Variants in SRBD1 observed in about 807,000 individuals in gnomAD.
SRBD1 encodes S1 RNA-binding domain-containing protein 1.
SRBD1 carries 88 observed loss-of-function variants against 115.3 expected under a neutral mutation model. That is an observed-to-expected ratio of 0.76 (90% CI 0.64 to 0.91). SRBD1 has a LOEUF of 0.91. Among genes scored for constraint, SRBD1 ranks in the 40% least tolerant of loss-of-function variants. The pLI is 0.00. For missense variants in SRBD1, 1,385 were observed against 1,177.4 expected, an observed-to-expected ratio of 1.18 and a Z score of -2.58; for synonymous variants, 509 against 407.7, an observed-to-expected ratio of 1.25 and a Z score of -2.99.
chr2:45,573,876 T>C (rs759928273), intron 8 of SRBD1, among the ~76,000 whole-genome samples: 6 of 152,200 alleles, frequency 3.9e-5, no homozygotes, highest in Non-Finnish European at 7.3e-5. Context: ...AAAAGTTCTT[T>C]CTAGCAACAG....
chr2:45,451,939 A>C (rs1669012121), intron 16 of SRBD1, among the ~76,000 whole-genome samples: 1 of 151,972 alleles, frequency 6.6e-6, no homozygotes, highest in Non-Finnish European at 1.5e-5. Context: ...TGTGGTTAAA[A>C]AATTTTAATG....
At chr2:45,465,412 G>GTA (rs111702119) in intron 16 of SRBD1, among the ~76,000 whole-genome samples, 31 of 151,452 alleles carry the variant, frequency 2.0e-4, no homozygotes, top group Non-Finnish European at 3.8e-4. Context: ...ATATATGTGT[G>GTA]TATATATATA....
At chr2:45,540,340 TAAA>T (rs755106184) in intron 14 of SRBD1, among the ~76,000 whole-genome samples, 1 of 130,110 alleles carries the variant, frequency 7.7e-6, no homozygotes, top group Admixed American at 7.8e-5. Flanking sequence ...GAGTCCATCT[TAAA>T]AAAAAAAAAA....
intron 18 of SRBD1, among the ~76,000 whole-genome samples, chr2:45,413,652 G>A (rs1403307045): frequency 6.6e-6 from 1 of 152,062 alleles, no homozygotes; most frequent in Non-Finnish European, 1.5e-5. Context: ...ACTTGGCTTC[G>A]CGCAGTGGCT....
intron 19 of SRBD1, among the ~76,000 whole-genome samples, chr2:45,397,076 G>A (rs368246712): frequency 5.3e-5 from 8 of 152,020 alleles, no homozygotes; most frequent in South Asian, 2.1e-4. Context: ...ATGGAGTAAC[G>A]CAACAAGCAC....
chr2:45,584,184 C>G (rs980986508), intron 5 of SRBD1, among the ~76,000 whole-genome samples: 1 of 152,178 alleles, frequency 6.6e-6, no homozygotes, highest in African/African-American at 2.4e-5. Context: ...TACGTAAAAA[C>G]TCAAATTACC....
intron 16 of SRBD1, among the ~76,000 whole-genome samples, chr2:45,432,221 G>T (rs1275822329): frequency 6.6e-6 from 1 of 151,994 alleles, no homozygotes; most frequent in Non-Finnish European, 1.5e-5. Context: ...TACAGACGTG[G>T]TTTCTCCATA....
At chr2:45,528,268 T>G (rs1004007416) in intron 14 of SRBD1, among the ~76,000 whole-genome samples, 1 of 151,782 alleles carries the variant, frequency 6.6e-6, no homozygotes, top group Admixed American at 6.6e-5. Context: ...CAAGAGACTA[T>G]ACATGAAAAG....
rs1252411097 is a variant in SRBD1, at chr2:45,551,170, G to C, written c.1630C>G (p.Pro544Ala). Residue 544 changes from proline to alanine, a missense_variant, in exon 12 of 21, where the codon CCT becomes GCT. Coordinates refer to ENST00000263736, the MANE Select transcript of SRBD1 (RefSeq NM_018079.5). ...VPGRTLMGVDPGYKHGCKLAI... is the reference protein window; with the variant it reads ...VPGRTLMGVDAGYKHGCKLAI... ...AATTTGCAACCATGTTTATAACCAG[G>C]ATCCACTCCCATTAAGGTGCGCCCT... 1.9e-6 allele frequency: 3 copies of C among 1,609,006 alleles called. No individual in the cohort carries two copies. The highest frequency in any genetic ancestry group is 2.2e-5 in the East Asian group (1 of 44,792).
intron 14 of SRBD1, among the ~76,000 whole-genome samples, chr2:45,540,428 T>C (rs943761420): frequency 2.0e-5 from 3 of 151,498 alleles, no homozygotes; most frequent in African/African-American, 7.3e-5. Context: ...ATAAAACTTC[T>C]AGTACAAAAC....
intron 9 of SRBD1, among the ~76,000 whole-genome samples, chr2:45,564,863 C>G (rs550939433): frequency 6.6e-6 from 1 of 152,248 alleles, no homozygotes; most frequent in East Asian, 1.9e-4. Context: ...AGGGCCAACT[C>G]TGGGACTTGC....
intron 14 of SRBD1, among the ~76,000 whole-genome samples, chr2:45,502,620 G>C (rs532172397): frequency 6.8e-6 from 1 of 147,674 alleles, no homozygotes; most frequent in Non-Finnish European, 1.5e-5. Flanking sequence ...TCATAGGTGG[G>C]AATTGAACAA....
chr2:45,390,285 G>A (rs141548417), intron 20 of SRBD1, among the ~76,000 whole-genome samples: 355 of 152,200 alleles, frequency 2.3e-3, no homozygotes, highest in Admixed American at 3.8e-3. Context: ...CTCCTGGCCA[G>A]GCACTCTGCT....
intron 14 of SRBD1, among the ~76,000 whole-genome samples, chr2:45,511,033 G>A (rs1025282245): frequency 7.2e-5 from 11 of 152,258 alleles, no homozygotes; most frequent in East Asian, 3.9e-4. Context: ...TGAGTATTGC[G>A]AACCAACAAA....
chr2:45,450,326 A>T (rs544259294), intron 16 of SRBD1, among the ~76,000 whole-genome samples: 1 of 152,282 alleles, frequency 6.6e-6, no homozygotes, highest in South Asian at 2.1e-4. Context: ...TGGGGTTTAT[A>T]GCAGATTTCC....
At chr2:45,503,980 T>C (rs1012674839) in intron 14 of SRBD1, among the ~76,000 whole-genome samples, 1 of 152,170 alleles carries the variant, frequency 6.6e-6, no homozygotes, top group African/African-American at 2.4e-5. Context: ...CAAGTCAGTC[T>C]TGAGTTATAT....
intron 19 of SRBD1, among the ~76,000 whole-genome samples, chr2:45,402,627 T>G (rs74816402): frequency 0.039 from 5,897 of 152,298 alleles, 379 homozygotes; most frequent in African/African-American, 0.13. Context: ...TAACAAATAC[T>G]AGCTAATGCT....
At chr2:45,515,176 A>T (rs1558447291) in intron 14 of SRBD1, among the ~76,000 whole-genome samples, 2 of 152,174 alleles carry the variant, frequency 1.3e-5, no homozygotes, top group Non-Finnish European at 2.9e-5. Flanking sequence ...GAATTAAAGG[A>T]GATTTATTAT....
At chr2:45,576,059 G>T (rs950345377) in intron 7 of SRBD1, among the ~76,000 whole-genome samples, 1 of 152,006 alleles carries the variant, frequency 6.6e-6, no homozygotes, top group Non-Finnish European at 1.5e-5. Context: ...CCTGCCTCTC[G>T]TCACCCCTTC....
Sources: gnomAD v4.1 joint callset for allele counts (sites outside exome capture counted in the v4.1 genomes callset) on GRCh38, gnomAD v4.1.1 for gene constraint, MANE v1.5 for transcripts, NCBI Gene and HGNC (gene_info 2026-07-23, HGNC 2026-07-21) for gene names.